Variants in LRPPRC observed in about 807,000 individuals in gnomAD.
LRPPRC encodes the protein leucine rich pentatricopeptide repeat containing.
In LRPPRC, 120 loss-of-function variants were observed where a neutral mutation model predicts 180.3. The ratio of observed to expected loss-of-function variants is 0.67; its 90% CI spans 0.57 to 0.77. The LOEUF is 0.77. Among genes scored for constraint, LRPPRC ranks in the 30% least tolerant of loss-of-function variants. The pLI is 0.00. For synonymous variants in LRPPRC, 723 were observed against 600.0 expected (o/e 1.21, Z -3.00); for missense variants, 2,012 against 1,657.2 (o/e 1.21, Z -3.72).
At chr2:43,956,869 G>A (rs192500203) in intron 14 of LRPPRC, among the ~76,000 whole-genome samples, 68 of 152,234 alleles carry the variant, frequency 4.5e-4, no homozygotes, top group African/African-American at 1.4e-3. Context: ...CAGCCTGGGC[G>A]ACAGAGCAAG....
At chr2:43,995,077 C>T (rs1030274486) in intron 1 of LRPPRC, among the ~76,000 whole-genome samples, 2 of 151,994 alleles carry the variant, frequency 1.3e-5, no homozygotes, top group African/African-American at 4.8e-5. Context: ...CCAGTCTCTA[C>T]TAAAAGTACA....
At chr2:43,941,855 A>T (rs945281240) in intron 23 of LRPPRC, among the ~76,000 whole-genome samples, 9 of 150,676 alleles carry the variant, frequency 6.0e-5, no homozygotes, top group African/African-American at 2.2e-4. Flanking sequence ...AAAAAAAAAA[A>T]AAACTAGGCA....
intron 20 of LRPPRC, 58 bp from the exon 21 acceptor site, chr2:43,946,301 A>AT: frequency 7.4e-7 from 1 of 1,358,184 alleles, no homozygotes; most frequent in Non-Finnish European, 1.1e-6. Context: ...AAAATGTCAC[A>AT]TTTTTAGCTT....
chr2:43,932,153 A>T (rs1318613024), intron 25 of LRPPRC, among the ~76,000 whole-genome samples: 1 of 144,102 alleles, frequency 6.9e-6, no homozygotes, highest in Non-Finnish European at 1.5e-5. Context: ...AAAAAAAAAA[A>T]GACTGGAGAC....
intron 36 of LRPPRC, among the ~76,000 whole-genome samples, chr2:43,894,127 G>A (rs1670596467): frequency 1.3e-5 from 2 of 152,032 alleles, no homozygotes; most frequent in African/African-American, 4.8e-5. Flanking sequence ...TAGCAGGCAA[G>A]CAGAGAGGGT....
Position 43,948,428 on chromosome 2 carries a change from T to C in LRPPRC, c.1826A>G (p.His609Arg), listed in dbSNP as rs750104561. The C allele has an allele frequency of 1.2e-6, 2 of 1,609,300 alleles. No homozygotes were observed. The highest frequency in any genetic ancestry group is 1.1e-5 in the South Asian group (1 of 90,958). The change falls in exon 17 of 38, where the codon CAT becomes CGT. Residue 609 changes from histidine to arginine, a missense_variant. Physicochemically the swap from His to Arg is conservative, Grantham distance 29. Coordinates refer to ENST00000260665, the MANE Select transcript of LRPPRC (RefSeq NM_133259.4). ...AKEEHLRQYF[H>R]QLEKMNVKIP... ...AAATGGTACCATCTTCTCCAGCTGA[T>C]GGAAGTATTGTCTCAAATGCTCCTC...
intron 6 of LRPPRC, among the ~76,000 whole-genome samples, 172 bp from the exon 7 acceptor site, chr2:43,975,389 G>T (rs1212124029): frequency 6.6e-6 from 1 of 152,006 alleles, no homozygotes; most frequent in African/African-American, 2.4e-5. Context: ...AAATAATAAA[G>T]ATCATAAACA....
At chr2:43,922,969 G>T (rs1214336952) in intron 27 of LRPPRC, among the ~76,000 whole-genome samples, 1 of 152,028 alleles carries the variant, frequency 6.6e-6, no homozygotes, top group Non-Finnish European at 1.5e-5. Flanking sequence ...GATTCCACTG[G>T]CTTCCAGCCT....
chr2:43,975,070 T>C, intron 7 of LRPPRC, 21 bp downstream of exon 7: 1 of 1,609,546 alleles, frequency 6.2e-7, no homozygotes, highest in Non-Finnish European at 8.5e-7. Context: ...TAAAGTATGT[T>C]TATTTAGACA....
At chr2:43,975,004 T>C (rs1673988013) in intron 7 of LRPPRC, 87 bp downstream of exon 7, 6 of 1,386,598 alleles carry the variant, frequency 4.3e-6, no homozygotes, top group Non-Finnish European at 6.1e-6. Flanking sequence ...AAAACAGGTA[T>C]AAACTTCACT....
intron 31 of LRPPRC, chr2:43,903,249 TCCTTTCCCACTGTCA>T (rs1418452913): frequency 6.6e-6 from 1 of 152,318 alleles, no homozygotes; most frequent in African/African-American, 2.4e-5. Context: ...TCCCCCCAGG[TCCTTTCCCACTGTCA>T]CCTAATTCCA....
chr2:43,958,683 G>C (rs1428742917), intron 13 of LRPPRC, among the ~76,000 whole-genome samples: 1 of 152,158 alleles, frequency 6.6e-6, no homozygotes, highest in Non-Finnish European at 1.5e-5. Context: ...ACAAACACAA[G>C]TGGGAAAATG....
At chr2:43,929,405 G>T (rs1251388040) in intron 25 of LRPPRC, among the ~76,000 whole-genome samples, 2 of 152,162 alleles carry the variant, frequency 1.3e-5, no homozygotes, top group Non-Finnish European at 1.5e-5. Flanking sequence ...CTATGTGTGT[G>T]TAAGTTTTGA....
intron 14 of LRPPRC, among the ~76,000 whole-genome samples, chr2:43,954,230 C>G (rs1673014349): frequency 6.6e-6 from 1 of 152,132 alleles, no homozygotes; most frequent in Non-Finnish European, 1.5e-5. Flanking sequence ...AGATAAATAT[C>G]CCTCAAATGC....
chr2:43,931,533 G>A (rs903605952), intron 25 of LRPPRC, among the ~76,000 whole-genome samples: 2 of 152,142 alleles, frequency 1.3e-5, no homozygotes, highest in Non-Finnish European at 2.9e-5. Context: ...AGTTCCTTCT[G>A]CCTGGAATGC....
At chr2:43,968,519 T>C (rs1673657133) in intron 11 of LRPPRC, among the ~76,000 whole-genome samples, 1 of 152,208 alleles carries the variant, frequency 6.6e-6, no homozygotes, top group South Asian at 2.1e-4. Context: ...ACCACTTGGC[T>C]TAGATCAGTA....
intron 24 of LRPPRC, among the ~76,000 whole-genome samples, chr2:43,934,535 C>A (rs901666669): frequency 6.6e-6 from 1 of 151,686 alleles, no homozygotes; most frequent in Non-Finnish European, 1.5e-5. Flanking sequence ...AATTAGAACA[C>A]AAAAATAACA....
chr2:43,935,854 T>C (rs999175833), intron 23 of LRPPRC, among the ~76,000 whole-genome samples: 11 of 152,256 alleles, frequency 7.2e-5, no homozygotes, highest in Non-Finnish European at 1.2e-4. Context: ...GGCTCATGCC[T>C]GTAATCCCAG....
chr2:43,942,968 T>A (rs1264651579), intron 23 of LRPPRC, among the ~76,000 whole-genome samples: 1 of 151,990 alleles, frequency 6.6e-6, no homozygotes, highest in Non-Finnish European at 1.5e-5. Flanking sequence ...CTCCATGTAA[T>A]GCAGATTACA....
Sources: gnomAD v4.1 joint callset for allele counts (sites outside exome capture counted in the v4.1 genomes callset) on GRCh38, gnomAD v4.1.1 for gene constraint, MANE v1.5 for transcripts, NCBI Gene and HGNC (gene_info 2026-07-23, HGNC 2026-07-21) for gene names.